Variants in KCNB2 observed in about 807,000 individuals in gnomAD.
KCNB2 encodes the protein potassium voltage-gated channel subfamily B member 2.
A neutral mutation model predicts 61.5 loss-of-function variants in KCNB2; 15 were observed. The observed-to-expected ratio is 0.24, with a 90% CI of 0.16 to 0.38. KCNB2 has a LOEUF of 0.38. KCNB2 is among the 10% of genes least tolerant of loss of function. The pLI is 1.00. For synonymous variants in KCNB2, 457 were observed against 446.0 expected, an observed-to-expected ratio of 1.02 and a Z score of -0.31; for missense variants, 828 against 1,125.2, an observed-to-expected ratio of 0.74 and a Z score of 3.78.
chr8:72,843,965 T>C (rs1245758254), intron 2 of KCNB2, among the ~76,000 whole-genome samples: 2 of 152,210 alleles, frequency 1.3e-5, no homozygotes, highest in Non-Finnish European at 2.9e-5. Context: ...ATGTGTGAAT[T>C]TGATCTTGTC....
chr8:72,696,720 G>C (rs928211453), intron 2 of KCNB2, among the ~76,000 whole-genome samples: 2 of 152,160 alleles, frequency 1.3e-5, no homozygotes, highest in Non-Finnish European at 2.9e-5. Flanking sequence ...CAGGTTTTCT[G>C]TATAAATCAT....
At position 72,883,077 on chromosome 8, in the gene KCNB2, C is replaced by A. The variant is rs149244654; in HGVS notation, c.580-52858C>A. Among the ~76,000 whole-genome samples, 3 of 152,160 alleles carry A rather than the reference C, an allele frequency of 2.0e-5. No homozygotes were observed. The South Asian group carries it at 6.2e-4, about 32-fold the overall frequency. On this transcript the variant is annotated intron_variant, in intron 2 of 2. Transcript: ENST00000523207. ...TCCCAGAAGTCATTTACGTTCTCAA[C>A]GCTTTTACAATATGATGCGAAGCCA...
At chr8:72,905,659 G>A (rs1296812306) in intron 2 of KCNB2, among the ~76,000 whole-genome samples, 2 of 152,160 alleles carry the variant, frequency 1.3e-5, no homozygotes, top group East Asian at 3.8e-4. Flanking sequence ...GCCATTGACT[G>A]TCTGTTAGCA....
chr8:72,889,149 C>T (rs1229820228), intron 2 of KCNB2, among the ~76,000 whole-genome samples: 1 of 152,102 alleles, frequency 6.6e-6, no homozygotes, highest in African/African-American at 2.4e-5. Flanking sequence ...TGCATGGTAC[C>T]AGGTATTGCA....
intron 2 of KCNB2, among the ~76,000 whole-genome samples, chr8:72,737,596 A>T (rs1807869139): frequency 6.6e-6 from 1 of 152,196 alleles, no homozygotes; most frequent in South Asian, 2.1e-4. Context: ...GCAGCATGGA[A>T]GACATCATGA....
intron 2 of KCNB2, among the ~76,000 whole-genome samples, chr8:72,791,326 G>T (rs1273661741): frequency 6.6e-6 from 1 of 152,136 alleles, no homozygotes; most frequent in Non-Finnish European, 1.5e-5. Context: ...AAGTTAGGTG[G>T]ATCACTTGAA....
At chr8:72,709,930 C>T (rs1387916824) in intron 2 of KCNB2, among the ~76,000 whole-genome samples, 1 of 152,172 alleles carries the variant, frequency 6.6e-6, no homozygotes, top group Non-Finnish European at 1.5e-5. Context: ...GTTGCACAGT[C>T]ATGGGAAATG....
intron 2 of KCNB2, among the ~76,000 whole-genome samples, chr8:72,823,938 C>T (rs1343451713): frequency 6.6e-6 from 1 of 152,102 alleles, no homozygotes; most frequent in Non-Finnish European, 1.5e-5. Context: ...CCCTGGGAGC[C>T]CCATCTTGTA....
At chr8:72,623,979 C>A (rs536652600) in intron 2 of KCNB2, among the ~76,000 whole-genome samples, 1 of 152,076 alleles carries the variant, frequency 6.6e-6, no homozygotes, top group Admixed American at 6.6e-5. Flanking sequence ...GCTTCCTGAT[C>A]GGTGCATAAG....
intron 2 of KCNB2, among the ~76,000 whole-genome samples, chr8:72,812,199 C>T (rs765196755): frequency 6.6e-6 from 1 of 151,638 alleles, no homozygotes; most frequent in Non-Finnish European, 1.5e-5. Context: ...ACCTGGGAGG[C>T]GGAGGTTACA....
chr8:72,704,085 A>G (rs1479833558), intron 2 of KCNB2, among the ~76,000 whole-genome samples: 1 of 152,174 alleles, frequency 6.6e-6, no homozygotes, highest in Non-Finnish European at 1.5e-5. Context: ...TTATTCTTGG[A>G]TAATGTCAGT....
intron 2 of KCNB2, among the ~76,000 whole-genome samples, chr8:72,622,815 A>G (rs1045785306): frequency 4.6e-5 from 7 of 152,214 alleles, no homozygotes; most frequent in African/African-American, 1.4e-4. Flanking sequence ...CCTATCTACT[A>G]AAATGCTCCA....
intron 2 of KCNB2, among the ~76,000 whole-genome samples, chr8:72,916,438 G>A (rs1451612263): frequency 6.6e-6 from 1 of 152,134 alleles, no homozygotes; most frequent in Non-Finnish European, 1.5e-5. Flanking sequence ...GCCAGGGTGA[G>A]AGCTTTTAGG....
At chr8:72,615,960 A>G (rs891862357) in intron 2 of KCNB2, among the ~76,000 whole-genome samples, 2 of 152,170 alleles carry the variant, frequency 1.3e-5, no homozygotes, top group African/African-American at 4.8e-5. Flanking sequence ...AGCAGAAAAT[A>G]ATTTATTGCT....
intron 2 of KCNB2, among the ~76,000 whole-genome samples, chr8:72,643,753 A>G (rs1399236549): frequency 1.3e-5 from 2 of 152,188 alleles, no homozygotes; most frequent in African/African-American, 4.8e-5. Flanking sequence ...TTTGAAGACT[A>G]CTGGACTTAT....
At chr8:72,740,082 C>T (rs534766884) in intron 2 of KCNB2, among the ~76,000 whole-genome samples, 48 of 152,284 alleles carry the variant, frequency 3.2e-4, no homozygotes, top group African/African-American at 1.1e-3. Flanking sequence ...AAAAAAAATA[C>T]TTCCTTGTGA....
At chr8:72,836,761 A>C (rs1457239170) in intron 2 of KCNB2, among the ~76,000 whole-genome samples, 1 of 152,136 alleles carries the variant, frequency 6.6e-6, no homozygotes. Flanking sequence ...AAATATAAAA[A>C]ATAGCTGGGC....
intron 2 of KCNB2, among the ~76,000 whole-genome samples, chr8:72,638,321 T>C (rs537043241): frequency 6.6e-6 from 1 of 152,250 alleles, no homozygotes; most frequent in South Asian, 2.1e-4. Context: ...CCTGTTCCTC[T>C]ATGGAAATTC....
chr8:72,843,147 A>T (rs7000883), intron 2 of KCNB2, among the ~76,000 whole-genome samples: 24 of 152,040 alleles, frequency 1.6e-4, no homozygotes, highest in African/African-American at 5.5e-4. Flanking sequence ...CTTTGTTCTC[A>T]TTGGTTTCAA....
Sources: allele counts gnomAD v4.1 joint callset (sites outside exome capture counted in the v4.1 genomes callset), GRCh38; gene constraint gnomAD v4.1.1; transcripts MANE v1.5; gene names NCBI Gene and HGNC (gene_info 2026-07-23, HGNC 2026-07-21).